The following RIMKLA variants were observed in gnomAD, a reference collection of about 807,000 sequenced individuals.
The protein encoded by RIMKLA is N-acetylaspartylglutamate synthase A.
A neutral mutation model predicts 32.7 loss-of-function variants in RIMKLA; 14 were observed. That is an observed-to-expected ratio of 0.43 (90% CI 0.28 to 0.67). RIMKLA has a LOEUF of 0.67. RIMKLA is among the 30% of genes least tolerant of loss of function. The probability of loss-of-function intolerance (pLI) is 0.18; values close to 1 mark genes in which losing one functional copy is unlikely to be tolerated. For synonymous variants in RIMKLA, 176 were observed against 204.1 expected (o/e 0.86, Z 1.18); for missense variants, 410 against 519.0 (o/e 0.79, Z 2.04).
Position 42,380,848 on chromosome 1 carries a change from C to CT in RIMKLA, c.-87_-86insT. On this transcript the variant is annotated 5_prime_UTR_variant, in exon 1 of 5. Transcript: ENST00000431473. ...AGCCGTGGCGCGCTCGCCCCGGACG[C>CT]CGGCCGCCCCTCCGCTCGCCCTACT... The CT allele has an allele frequency of 1.1e-6, 1 of 912,202 alleles. No individual in the cohort carries two copies. Among genetic ancestry groups the CT allele is most frequent in the Non-Finnish European group, 1.4e-6 (1 of 728,090 alleles). 56.5% of individuals were successfully genotyped at this position (912,202 alleles called of 1,614,324 possible).
intron 1 of RIMKLA, among the ~76,000 whole-genome samples, chr1:42,385,851 TTTC>T (rs1463131638): frequency 5.1e-5 from 2 of 39,218 alleles, no homozygotes; most frequent in East Asian, 4.7e-4. Context: ...TTTCTCTTTC[TTTC>T]TTTCTTTCTT....
chr1:42,404,272 A>T (rs1643125530), intron 2 of RIMKLA, among the ~76,000 whole-genome samples: 1 of 151,954 alleles, frequency 6.6e-6, no homozygotes, highest in South Asian at 2.1e-4. Context: ...GATTGTTATA[A>T]GGATTGTGAA....
rs920251297 is a variant in RIMKLA at position 42,420,623 on chromosome 1, C to A, written c.*5649C>A. 4 of 152,230 alleles carry A rather than the reference C, an allele frequency of 2.6e-5. No homozygotes were observed. Among genetic ancestry groups the A allele is most frequent in the African/African-American group, 9.7e-5 (4 of 41,444 alleles). 9.4% of individuals were successfully genotyped at this position (152,230 alleles called of 1,614,324 possible). A position where few individuals can be genotyped will look rare whatever the true frequency, so the allele number is the denominator to read the frequency against. On this transcript the variant is annotated 3_prime_UTR_variant, in exon 5 of 5. Coordinates refer to ENST00000431473, the MANE Select transcript of RIMKLA (RefSeq NM_173642.4). ...TTAAAAACATTTTCCTGGACGAAGA[C>A]AGTTCCCTCCCCAAGCGGAATTCGA...
intron 1 of RIMKLA, among the ~76,000 whole-genome samples, chr1:42,391,916 G>A (rs1242243827): frequency 6.6e-6 from 1 of 152,132 alleles, no homozygotes; most frequent in Non-Finnish European, 1.5e-5. Flanking sequence ...CAAGCTAAAT[G>A]AGAGCAGCTA....
At chr1:42,413,227 C>T (rs1001670366) in intron 4 of RIMKLA, among the ~76,000 whole-genome samples, 5 of 151,448 alleles carry the variant, frequency 3.3e-5, no homozygotes, top group African/African-American at 1.2e-4. Context: ...TATGGCCGGG[C>T]GCAGTGGCTC....
chr1:42,381,337 C>T (rs1447291010), intron 1 of RIMKLA, among the ~76,000 whole-genome samples: 1 of 152,224 alleles, frequency 6.6e-6, no homozygotes, highest in African/African-American at 2.4e-5. Context: ...ACTTAGGGGA[C>T]TTCATTTTGT....
At chr1:42,406,077 C>G (rs1376524268) in intron 3 of RIMKLA, among the ~76,000 whole-genome samples, 1 of 152,128 alleles carries the variant, frequency 6.6e-6, no homozygotes, top group Non-Finnish European at 1.5e-5. Flanking sequence ...TATTGAGTGT[C>G]TACAAAATGC....
intron 1 of RIMKLA, among the ~76,000 whole-genome samples, chr1:42,391,563 T>G (rs1243787750): frequency 1.3e-5 from 2 of 151,750 alleles, no homozygotes; most frequent in African/African-American, 4.8e-5. Context: ...AGAAGGAAAG[T>G]GAAGGGAAGG....
At chr1:42,382,776 T>A (rs1255867524) in intron 1 of RIMKLA, among the ~76,000 whole-genome samples, 2 of 152,188 alleles carry the variant, frequency 1.3e-5, no homozygotes, top group African/African-American at 4.8e-5. Context: ...CAGGAAACAC[T>A]CAGACCCTTT....
intron 1 of RIMKLA, among the ~76,000 whole-genome samples, chr1:42,392,905 T>C (rs968129186): frequency 6.6e-6 from 1 of 152,078 alleles, no homozygotes; most frequent in African/African-American, 2.4e-5. Flanking sequence ...GGCAGGAGAA[T>C]CACTTGAGCC....
rs140510725 is a variant in RIMKLA at position 42,419,640 on chromosome 1, G to A, written c.*4666G>A. On this transcript the variant is annotated 3_prime_UTR_variant, in exon 5 of 5. Coordinates refer to ENST00000431473, the MANE Select transcript of RIMKLA (RefSeq NM_173642.4). ...CCTCCTCCCCTTCTGATGAGCCTCT[G>A]TTCTGGATCAACACGGTGTTGATGT... is the stretch of plus-strand genomic sequence containing the variant. The A allele has an allele frequency of 7.2e-5, 11 of 152,350 alleles. No homozygotes were observed. The highest frequency in any genetic ancestry group is 2.7e-4 in the African/African-American group (11 of 41,508). 9.4% of individuals were successfully genotyped at this position (152,350 alleles called of 1,614,324 possible). A position where few individuals can be genotyped will look rare whatever the true frequency, so the allele number is the denominator to read the frequency against.
Position 42,415,335 on chromosome 1 carries a change from C to T in RIMKLA, c.*361C>T, listed in dbSNP as rs1238621815. On this transcript the variant is annotated 3_prime_UTR_variant, in exon 5 of 5. Coordinates refer to ENST00000431473, the MANE Select transcript of RIMKLA (RefSeq NM_173642.4). ...GGAATTATGTACTCAAAAGCAACCA[C>T]GGGATGGAAGCATGTGCAGACGAGG... 1.4e-5 allele frequency: 3 copies of T among 215,018 alleles called. No individual in the cohort carries two copies. The highest frequency in any genetic ancestry group is 2.3e-5 in the African/African-American group (1 of 43,256). 13.3% of individuals were successfully genotyped at this position (215,018 alleles called of 1,614,324 possible).
rs952183748 is a variant in RIMKLA at position 42,422,688 on chromosome 1, G to T, written c.*7714G>T. On this transcript the variant is annotated 3_prime_UTR_variant, in exon 5 of 5. Coordinates refer to ENST00000431473, the MANE Select transcript of RIMKLA (RefSeq NM_173642.4). ...TTTTATTATTTTCATATCATAAAAT[G>T]AGGAAGAGCCTTCACAGAAGAAACT... 8 of 152,144 alleles carry T rather than the reference G, an allele frequency of 5.3e-5. No individual in the cohort carries two copies. The highest frequency in any genetic ancestry group is 1.9e-4 in the African/African-American group (8 of 41,432). The allele number at this position is 152,144 out of a possible 1,614,324, so 9.4% of individuals were successfully genotyped here.
Position 42,415,825 on chromosome 1 carries a change from G to C in RIMKLA, c.*851G>C, listed in dbSNP as rs1643241668. The C allele has an allele frequency of 6.6e-6, 1 of 152,192 alleles. No homozygotes were observed. Among genetic ancestry groups the C allele is most frequent in the African/African-American group, 2.4e-5 (1 of 41,442 alleles). 9.4% of individuals were successfully genotyped at this position (152,192 alleles called of 1,614,324 possible). On this transcript the variant is annotated 3_prime_UTR_variant, in exon 5 of 5. Transcript: ENST00000431473. ...ATGGACTCTGTTCACTTGTCATCCA[G>C]AAGCCAGTGGGTTTTTACCATAGAA... is the stretch of plus-strand genomic sequence containing the variant.
chr1:42,408,000 C>G (rs1280785573), intron 3 of RIMKLA, among the ~76,000 whole-genome samples: 1 of 152,210 alleles, frequency 6.6e-6, no homozygotes, highest in Non-Finnish European at 1.5e-5. Context: ...GCCCCCATCT[C>G]TGCTGAAAAT....
chr1:42,403,125 A>G (rs539332803), intron 2 of RIMKLA, among the ~76,000 whole-genome samples: 59 of 152,182 alleles, frequency 3.9e-4, no homozygotes, highest in Non-Finnish European at 7.5e-4. Flanking sequence ...ACAAACTCCA[A>G]CAAGCATTGA....
At position 42,380,897 on chromosome 1, in the gene RIMKLA, G is replaced by C; in HGVS notation, c.-38G>C. The stretch of plus-strand genomic sequence containing the variant: ...CTGAGCGAGCGGCCCGGGGCGCCGA[G>C]GGGTCCGCGCCGCGCGGGGCGCACC... On this transcript the variant is annotated 5_prime_UTR_variant, in exon 1 of 5. Transcript: ENST00000431473. The C allele has an allele frequency of 7.9e-7, 1 of 1,259,666 alleles. No individual in the cohort carries two copies. The highest frequency in any genetic ancestry group is 3.2e-5 in the East Asian group (1 of 31,488). The allele number at this position is 1,259,666 out of a possible 1,614,324, so 78.0% of individuals were successfully genotyped here.
chr1:42,398,708 C>T (rs1643068071), intron 1 of RIMKLA, among the ~76,000 whole-genome samples: 1 of 152,036 alleles, frequency 6.6e-6, no homozygotes, highest in Non-Finnish European at 1.5e-5. Flanking sequence ...ATGGCTCACG[C>T]CTGTAATCCC....
intron 1 of RIMKLA, among the ~76,000 whole-genome samples, chr1:42,384,891 C>T (rs1039139995): frequency 6.6e-6 from 1 of 152,096 alleles, no homozygotes; most frequent in Non-Finnish European, 1.5e-5. Flanking sequence ...CTCAGATGCC[C>T]ACTGTTCCCT....
Sources: allele counts gnomAD v4.1 joint callset (sites outside exome capture counted in the v4.1 genomes callset), GRCh38; gene constraint gnomAD v4.1.1; transcripts MANE v1.5; gene names NCBI Gene and HGNC (gene_info 2026-07-23, HGNC 2026-07-21).